Variants in MBD5 observed in about 807,000 individuals in gnomAD.
The protein encoded by MBD5 is methyl-CpG binding domain protein 5.
In MBD5, 13 loss-of-function variants were observed where a neutral mutation model predicts 117.3. That is an observed-to-expected ratio of 0.11 (90% CI 0.07 to 0.18). The LOEUF (loss-of-function observed/expected upper bound fraction) is 0.18. MBD5 is among the 10% of genes least tolerant of loss of function. The pLI, the probability that MBD5 is intolerant of heterozygous loss-of-function variation, is 1.00. For synonymous variants in MBD5, 727 were observed against 766.4 expected, an observed-to-expected ratio of 0.95 and a Z score of 0.85; for missense variants, 1,879 against 2,093.8, an observed-to-expected ratio of 0.90 and a Z score of 2.00.
At chr2:148,359,569 T>C (rs907757941) in intron 4 of MBD5, among the ~76,000 whole-genome samples, 1 of 152,162 alleles carries the variant, frequency 6.6e-6, no homozygotes, top group Non-Finnish European at 1.5e-5. Flanking sequence ...TCTTAAGTCT[T>C]AAGAAAGGCT....
At chr2:148,245,413 G>T (rs973409491) in intron 3 of MBD5, among the ~76,000 whole-genome samples, 4 of 151,956 alleles carry the variant, frequency 2.6e-5, no homozygotes, top group African/African-American at 9.7e-5. Flanking sequence ...TTTTAATAGA[G>T]ATAGGACAAA....
chr2:148,282,892 C>A (rs1701282297), intron 3 of MBD5, among the ~76,000 whole-genome samples: 2 of 99,502 alleles, frequency 2.0e-5, no homozygotes, highest in Admixed American at 1.1e-4. Flanking sequence ...ACTTTTAAGA[C>A]TTAACCGCCC....
chr2:148,484,987 T>A (rs1321599328), intron 9 of MBD5: 1 of 152,200 alleles, frequency 6.6e-6, no homozygotes, highest in Non-Finnish European at 1.5e-5. Context: ...GGCATTGAAA[T>A]CTTTGTAGTT....
intron 4 of MBD5, among the ~76,000 whole-genome samples, chr2:148,344,213 G>T (rs1474879605): frequency 6.6e-6 from 1 of 151,972 alleles, no homozygotes; most frequent in Non-Finnish European, 1.5e-5. Flanking sequence ...TTTAGTTACA[G>T]AAGCATTATA....
chr2:148,041,837 A>T (rs1694367770), intron 1 of MBD5, among the ~76,000 whole-genome samples: 1 of 152,188 alleles, frequency 6.6e-6, no homozygotes, highest in South Asian at 2.1e-4. Flanking sequence ...CTTGTACTTG[A>T]AATTTTTTAA....
chr2:148,513,180 T>A lies in MBD5; in HGVS notation c.*239T>A. ...TGAGAGTGATCAATGGTCAAGAGAT[T>A]ACTGAGAAACTCTTTTTCTATAATA... On this transcript the variant is annotated 3_prime_UTR_variant, in exon 14 of 14. Coordinates refer to ENST00000642680, the MANE Select transcript of MBD5 (RefSeq NM_001378120.1). The A allele has an allele frequency of 2.0e-6, 1 of 509,728 alleles. No homozygotes were observed. Among genetic ancestry groups the A allele is most frequent in the Non-Finnish European group, 3.5e-6 (1 of 284,710 alleles). 31.6% of individuals were successfully genotyped at this position (509,728 alleles called of 1,614,324 possible).
At chr2:148,491,297 C>CTTTTT (rs543680655) in intron 11 of MBD5, among the ~76,000 whole-genome samples, 1 of 128,542 alleles carries the variant, frequency 7.8e-6, no homozygotes, top group Non-Finnish European at 1.7e-5. Flanking sequence ...TCTTCTGGGC[C>CTTTTT]TTTTTTTTTT....
intron 3 of MBD5, among the ~76,000 whole-genome samples, chr2:148,254,764 G>A (rs1247162742): frequency 2.6e-5 from 4 of 152,154 alleles, no homozygotes; most frequent in African/African-American, 2.4e-5. Context: ...CACAGGCTGC[G>A]ATGGGTATCC....
At chr2:148,186,060 G>A (rs1267340287) in intron 2 of MBD5, among the ~76,000 whole-genome samples, 1 of 152,216 alleles carries the variant, frequency 6.6e-6, no homozygotes, top group Admixed American at 6.5e-5. Flanking sequence ...ACTGGAGCTG[G>A]CAGTTGAATC....
chr2:148,510,212 G>T, intron 13 of MBD5, 77 bp downstream of exon 13: 1 of 1,094,470 alleles, frequency 9.1e-7, no homozygotes, highest in South Asian at 1.3e-5. Context: ...AAAGTCTCTT[G>T]AGTATTGTCA....
At chr2:148,379,210 A>G (rs542904803) in intron 4 of MBD5, among the ~76,000 whole-genome samples, 8 of 152,236 alleles carry the variant, frequency 5.3e-5, no homozygotes, top group African/African-American at 1.7e-4. Flanking sequence ...TTGAGATATT[A>G]TGGTAAAACA....
At chr2:148,426,128 A>G (rs1705774418) in intron 4 of MBD5, among the ~76,000 whole-genome samples, 1 of 152,184 alleles carries the variant, frequency 6.6e-6, no homozygotes, top group South Asian at 2.1e-4. Context: ...AGAACTACAA[A>G]CCACTGCTCA....
intron 11 of MBD5, among the ~76,000 whole-genome samples, chr2:148,500,185 T>A (rs1323388986): frequency 1.3e-5 from 2 of 152,154 alleles, no homozygotes; most frequent in African/African-American, 4.8e-5. Context: ...AATATAAATT[T>A]GGGCAAGTTG....
In MBD5 at chr2:148,038,614, A is replaced by G. The variant is rs995553820; in HGVS notation, c.-925+16930A>G. ...CCTGGGATGGTTTTGATGTAACACC[A>G]GTTTGTAATCTTCTTACTGTGAATT... On this transcript the variant is annotated intron_variant, in intron 1 of 13. Coordinates refer to ENST00000642680, the MANE Select transcript of MBD5 (RefSeq NM_001378120.1). 4.0e-5 allele frequency among the ~76,000 whole-genome samples: 6 copies of G among 151,698 alleles called. No homozygotes were observed. In the South Asian group the frequency reaches 1.2e-3, roughly 31 times the overall value.
chr2:148,458,731 T>G lies in MBD5; in HGVS notation c.-28T>G, dbSNP rs1706961614. On this transcript the variant is annotated 5_prime_UTR_variant, in exon 5 of 14. Transcript: ENST00000642680. ...AGGATATCATCTTATTGCTGATATC[T>G]TTGGAGAGTCCCTAGCAGACACAGA... The G allele has an allele frequency of 3.2e-6, 5 of 1,574,130 alleles. No individual in the cohort carries two copies. The highest frequency in any genetic ancestry group is 4.4e-6 in the Non-Finnish European group (5 of 1,143,746).
Position 148,469,159 on chromosome 2 carries a change from A to C in MBD5, c.1216A>C (p.Asn406His). The C allele has an allele frequency of 6.2e-7, 1 of 1,614,076 alleles. No homozygotes were observed. The highest frequency in any genetic ancestry group is 8.5e-7 in the Non-Finnish European group (1 of 1,179,966). ...TCCTGCTGTTGTTCCTTTGCCAAGT[A>C]ATCTCCCATTGCCAACTGTAAAACC... is the stretch of plus-strand genomic sequence containing the variant. ...MPPAVVPLPS[N>H]LPLPTVKPGH... The change falls in exon 8 of 14, where the codon AAT becomes CAT. Residue 406 changes from asparagine to histidine, a missense_variant. Physicochemically the swap from Asn to His is moderately conservative, Grantham distance 68. Around this residue, in one of 4 missense-constraint regions of MBD5, gnomAD observed 1,666 missense variants for 1,792.2 expected, o/e 0.93. Coordinates refer to ENST00000642680, the MANE Select transcript of MBD5 (RefSeq NM_001378120.1).
chr2:148,294,812 T>A (rs114472141), intron 3 of MBD5, among the ~76,000 whole-genome samples: 7 of 152,180 alleles, frequency 4.6e-5, no homozygotes, highest in Admixed American at 3.9e-4. Context: ...AGCCCAGAAT[T>A]AAAATTTTTA....
chr2:148,254,671 G>T (rs1421175563), intron 3 of MBD5, among the ~76,000 whole-genome samples: 3 of 152,128 alleles, frequency 2.0e-5, no homozygotes, highest in Non-Finnish European at 4.4e-5. Flanking sequence ...ACTCCTAAGG[G>T]GGCACAAAAT....
At chr2:148,384,353 C>A (rs1379400800) in intron 4 of MBD5, among the ~76,000 whole-genome samples, 2 of 152,100 alleles carry the variant, frequency 1.3e-5, no homozygotes, top group African/African-American at 4.8e-5. Context: ...AGGGAACTCC[C>A]ATTCACAATT....
Sources: gnomAD v4.1 joint callset for allele counts (sites outside exome capture counted in the v4.1 genomes callset) on GRCh38, gnomAD v4.1.1 for gene constraint, gnomAD v4.1.1 regional missense constraint, MANE v1.5 for transcripts, NCBI Gene and HGNC (gene_info 2026-07-23, HGNC 2026-07-21) for gene names.